Variants in OR56A3 observed in about 807,000 individuals in gnomAD.
OR56A3 encodes the protein olfactory receptor 56A3.
Under a neutral mutation model 17.5 loss-of-function variants are expected in OR56A3, and 23 were observed. The observed-to-expected ratio is 1.32, with a 90% CI of 0.95 to 1.87. The LOEUF (loss-of-function observed/expected upper bound fraction) is 1.87, where lower values mean the gene tolerates loss of function less well. Ranked by LOEUF, OR56A3 falls within the 40% of genes most tolerant of loss-of-function variation. OR56A3 has a pLI of 0.00. For missense variants in OR56A3, 366 were observed against 380.1 expected (o/e 0.96, Z 0.31); for synonymous variants, 175 against 150.6 (o/e 1.16, Z -1.19).
the OR56A3 span, among the ~76,000 whole-genome samples, chr11:5,964,689 C>G: frequency 6.6e-6 from 1 of 152,190 alleles, no homozygotes; most frequent in African/African-American, 2.4e-5. Flanking sequence ...GGCCAGAATT[C>G]AAGTCCATCT....
the OR56A3 span, among the ~76,000 whole-genome samples, chr11:5,961,225 C>G: frequency 6.6e-6 from 1 of 152,178 alleles, no homozygotes; most frequent in Non-Finnish European, 1.5e-5. Context: ...GCCCCTCTTC[C>G]CCGGCCGCCA....
downstream of OR56A3, among the ~76,000 whole-genome samples, chr11:5,952,077 T>C (rs997418684): frequency 1.3e-5 from 2 of 152,210 alleles, no homozygotes; most frequent in Non-Finnish European, 2.9e-5. Context: ...ACTTATATAA[T>C]ACATCAACTG....
At chr11:5,964,041 C>T in the OR56A3 span, among the ~76,000 whole-genome samples, 1 of 152,162 alleles carries the variant, frequency 6.6e-6, no homozygotes, top group East Asian at 1.9e-4. Flanking sequence ...ATATTCAGCT[C>T]AGCATTTCTG....
At chr11:5,968,005 TG>T in the OR56A3 span, 1 of 1,592,050 alleles carries the variant, frequency 6.3e-7, no homozygotes, top group Non-Finnish European at 8.6e-7. Context: ...GAAGAAAGTA[TG>T]GGGATAGGCA....
At chr11:5,968,604 T>C in the OR56A3 span, 253 of 840,514 alleles carry the variant, frequency 3.0e-4, no homozygotes, top group Middle Eastern at 2.8e-3. Context: ...TTTTCTAATT[T>C]ATAAAATGTA....
At chr11:5,976,173 G>A in the OR56A3 span, among the ~76,000 whole-genome samples, 1 of 151,516 alleles carries the variant, frequency 6.6e-6, no homozygotes, top group African/African-American at 2.4e-5. Context: ...GAAGGAAGGA[G>A]GATGGGAGAC....
the OR56A3 span, among the ~76,000 whole-genome samples, chr11:5,991,559 A>G: frequency 6.6e-6 from 1 of 152,290 alleles, no homozygotes; most frequent in African/African-American, 2.4e-5. Flanking sequence ...TCAGAGAAAT[A>G]AGCTTAAGAC....
chr11:5,948,181 T>C lies in OR56A3; in HGVS notation c.835T>C (p.Leu279=). ...GAAAGTCTCCCCTGATGTGCCAGTC[T>C]TGCTCAATGTTCTCCACCATGTCAT... ...KKKVSPDVPV[L]LNVLHHVIPA... The change falls in exon 3 of 3, where the codon TTG becomes CTG. Residue 279 remains leucine (L), a synonymous_variant. Transcript: ENST00000641160. 1 of 1,614,250 alleles carries C rather than the reference T, an allele frequency of 6.2e-7. No homozygotes were observed. The highest frequency in any genetic ancestry group is 1.1e-5 in the South Asian group (1 of 91,090).
chr11:6,018,889 T>C, the OR56A3 span, among the ~76,000 whole-genome samples: 1 of 151,956 alleles, frequency 6.6e-6, no homozygotes, highest in Admixed American at 6.6e-5. Context: ...TCAGTGACTA[T>C]TGGGAACTAT....
the OR56A3 span, among the ~76,000 whole-genome samples, chr11:6,007,193 A>G: frequency 3.9e-5 from 6 of 152,348 alleles, no homozygotes; most frequent in East Asian, 5.8e-4. Context: ...TCTAGGTAAA[A>G]TAAGCCAGAC....
rs139875596 is a variant in OR56A3, at chr11:5,944,503, C to T, written c.-313-303C>T. Among the ~76,000 whole-genome samples the T allele has an allele frequency of 1.6e-3, 238 of 152,246 alleles. 3 individuals are homozygous for T. The highest frequency in any genetic ancestry group is 5.5e-3 in the African/African-American group (227 of 41,510). On this transcript the variant is annotated intron_variant, in intron 1 of 2. Coordinates refer to ENST00000641160, the MANE Select transcript of OR56A3 (RefSeq NM_001003443.3). ...ACCTACAAAATATATAAAACAAAAT[C>T]CCAAATAACATAAACATGTATGCAT...
At chr11:6,013,375 G>A in the OR56A3 span, among the ~76,000 whole-genome samples, 2 of 152,190 alleles carry the variant, frequency 1.3e-5, no homozygotes, top group African/African-American at 2.4e-5. Flanking sequence ...CGGCCCTGCA[G>A]GGGGAGGCAA....
At chr11:5,970,792 G>A in the OR56A3 span, among the ~76,000 whole-genome samples, 7 of 151,728 alleles carry the variant, frequency 4.6e-5, no homozygotes, top group Admixed American at 1.3e-4. Flanking sequence ...TTTCTCTCCC[G>A]AATCCACTAT....
chr11:6,008,276 A>C, the OR56A3 span, among the ~76,000 whole-genome samples: 1 of 152,204 alleles, frequency 6.6e-6, no homozygotes, highest in African/African-American at 2.4e-5. Context: ...CACTCCTTAC[A>C]TACAGTAACT....
the OR56A3 span, among the ~76,000 whole-genome samples, chr11:5,961,095 G>T: frequency 2.0e-5 from 3 of 151,338 alleles, no homozygotes; most frequent in East Asian, 5.9e-4. Flanking sequence ...GAGCTGGGGG[G>T]CAGCCCGCGC....
chr11:6,002,017 A>G, the OR56A3 span: 2 of 1,497,528 alleles, frequency 1.3e-6, no homozygotes, highest in South Asian at 1.5e-5. Context: ...CTAACAATTA[A>G]CAACTCTAAA....
At chr11:5,951,387 T>G (rs1847907167), downstream of OR56A3, 1 of 152,126 alleles carries the variant, frequency 6.6e-6, no homozygotes, top group East Asian at 1.9e-4. Context: ...TATTTAACTA[T>G]TTTTTGCTGT....
the OR56A3 span, among the ~76,000 whole-genome samples, chr11:5,998,296 C>T: frequency 6.6e-6 from 1 of 152,146 alleles, no homozygotes; most frequent in Non-Finnish European, 1.5e-5. Context: ...TTACACACTA[C>T]CTGTTACCCT....
At chr11:5,963,741 TG>T in the OR56A3 span, among the ~76,000 whole-genome samples, 1 of 152,168 alleles carries the variant, frequency 6.6e-6, no homozygotes, top group African/African-American at 2.4e-5. Flanking sequence ...TATCTTTCCC[TG>T]GGTTTGGAAA....
Sources: gnomAD v4.1 joint callset for allele counts (sites outside exome capture counted in the v4.1 genomes callset) on GRCh38, gnomAD v4.1.1 for gene constraint, MANE v1.5 for transcripts, NCBI Gene and HGNC (gene_info 2026-07-23, HGNC 2026-07-21) for gene names.